The following EEA1 variants were observed in gnomAD, a reference collection of about 807,000 sequenced individuals.
EEA1 encodes early endosome antigen 1, 162kD.
EEA1 carries 111 observed loss-of-function variants against 209.2 expected under a neutral mutation model. The observed-to-expected ratio is 0.53, with a 90% CI of 0.45 to 0.62. The LOEUF (loss-of-function observed/expected upper bound fraction) is 0.62. Among genes scored for constraint, EEA1 ranks in the 20% least tolerant of loss-of-function variants. The probability of loss-of-function intolerance (pLI) is 0.00; values close to 1 mark genes in which losing one functional copy is unlikely to be tolerated. For synonymous variants in EEA1, 536 were observed against 540.6 expected, an observed-to-expected ratio of 0.99 and a Z score of 0.12; for missense variants, 1,343 against 1,530.8, an observed-to-expected ratio of 0.88 and a Z score of 2.05.
intron 1 of EEA1, among the ~76,000 whole-genome samples, chr12:92,911,635 T>C (rs547940549): frequency 1.3e-4 from 20 of 152,222 alleles, no homozygotes; most frequent in Non-Finnish European, 2.6e-4. Context: ...CTGCAGACTC[T>C]AAATGATAAT....
At chr12:92,839,568 T>C (rs1350880894) in intron 10 of EEA1, among the ~76,000 whole-genome samples, 1 of 152,224 alleles carries the variant, frequency 6.6e-6, no homozygotes, top group Admixed American at 6.5e-5. Context: ...AAGCTAGACA[T>C]TAAAGAGGTT....
chr12:92,874,305 G>C (rs1390017880), intron 2 of EEA1, among the ~76,000 whole-genome samples: 1 of 152,156 alleles, frequency 6.6e-6, no homozygotes, highest in Admixed American at 6.5e-5. Flanking sequence ...AGGCAATAGA[G>C]TGAGACCCTG....
At chr12:92,891,754 CA>C in intron 1 of EEA1, 33 bp from the exon 2 acceptor site, 1 of 1,418,896 alleles carries the variant, frequency 7.0e-7, no homozygotes, top group South Asian at 1.2e-5. Context: ...GAAAAAAAAA[CA>C]AAGCAGACAT....
chr12:92,805,432 C>T (rs1875155050), intron 18 of EEA1, among the ~76,000 whole-genome samples: 2 of 152,166 alleles, frequency 1.3e-5, no homozygotes, highest in Admixed American at 1.3e-4. Flanking sequence ...TTTCACCTTT[C>T]TGAAGAGGAC....
rs944292910 is a variant in EEA1 at position 92,827,799 on chromosome 12, T to C, written c.1404+113A>G. 4.3e-6 allele frequency: 5 copies of C among 1,161,990 alleles called. No homozygotes were observed. The Admixed American group carries it at 9.0e-5, about 21-fold the overall frequency. The allele number at this position is 1,161,990 out of a possible 1,614,324, so 72.0% of individuals were successfully genotyped here. ...GCAAGATGTTGCTATTGGAGAGCAATAAATTTGCACTTTAAAAAGTCCAAT... is the reference window on the plus strand; with the variant it reads ...GCAAGATGTTGCTATTGGAGAGCAACAAATTTGCACTTTAAAAAGTCCAAT... On this transcript the variant is annotated intron_variant, in intron 12 of 28. Coordinates refer to ENST00000322349, the MANE Select transcript of EEA1 (RefSeq NM_003566.4).
chr12:92,898,004 T>G (rs954694935), intron 1 of EEA1, among the ~76,000 whole-genome samples: 4 of 152,238 alleles, frequency 2.6e-5, no homozygotes, highest in African/African-American at 9.6e-5. Flanking sequence ...CTCGTTTTAT[T>G]GCGATACTTG....
At position 92,851,220 on chromosome 12, in the gene EEA1, A is replaced by G. The variant is rs763604700; in HGVS notation, c.689T>C (p.Leu230Pro). The change falls in exon 9 of 29, where the codon CTG (leucine) becomes CCG (proline). Residue 230 changes from leucine (L) to proline (P), a missense_variant. Physicochemically the swap from Leu to Pro is moderately conservative, Grantham distance 98. Transcript: ENST00000322349. ...ATCCATTAGTGTTTGAACTTGGACC[A>G]GTTCTTTCTTTAGCACGGCAACATC... Reference protein sequence around the residue: ...IEDVAVLKKELVQVQTLMDNM... With the variant: ...IEDVAVLKKEPVQVQTLMDNM... The G allele has an allele frequency of 1.2e-6, 2 of 1,613,918 alleles. No homozygotes were observed. The highest frequency in any genetic ancestry group is 1.7e-6 in the Non-Finnish European group (2 of 1,179,892).
At chr12:92,884,739 G>C (rs1879308402) in intron 2 of EEA1, 1 of 1,386,688 alleles carries the variant, frequency 7.2e-7, no homozygotes, top group Non-Finnish European at 1.0e-6. Flanking sequence ...AGGAGAGCCA[G>C]AGAAGTGACA....
At chr12:92,856,517 T>C (rs1053425128) in intron 5 of EEA1, among the ~76,000 whole-genome samples, 2 of 152,054 alleles carry the variant, frequency 1.3e-5, no homozygotes, top group African/African-American at 4.8e-5. Context: ...AACTTAACAT[T>C]GTTAATAGAA....
In EEA1 at chr12:92,876,759, T is replaced by A. The variant is rs569065531; in HGVS notation, c.118-11772A>T. 2.0e-5 allele frequency among the ~76,000 whole-genome samples: 3 copies of A among 148,714 alleles called. No individual in the cohort carries two copies. In the South Asian group the frequency reaches 6.3e-4, roughly 31 times the overall value. ...CACTATAAAAACAGAGAATTCGATA[T>A]GCCCGGATCAGAGTATCAAGAAGAC... On this transcript the variant is annotated intron_variant, in intron 2 of 28. Coordinates refer to ENST00000322349, the MANE Select transcript of EEA1 (RefSeq NM_003566.4).
Position 92,857,352 on chromosome 12 carries a change from G to T in EEA1, c.301-12C>A. 1 of 1,566,888 alleles carries T rather than the reference G, an allele frequency of 6.4e-7. No homozygotes were observed. The highest frequency in any genetic ancestry group is 1.2e-5 in the South Asian group (1 of 83,572). Reference sequence around the variant, plus strand: ...TACCATTTTTCTTCCTAATAAAAAAGATTTTTAATTAGTAAATTTAAAAAG... The same window carrying T: ...TACCATTTTTCTTCCTAATAAAAAATATTTTTAATTAGTAAATTTAAAAAG... On this transcript the variant is annotated splice_polypyrimidine_tract_variant and intron_variant, in intron 4 of 28. Transcript: ENST00000322349.
chr12:92,852,843 G>A (rs1382954282), intron 7 of EEA1, 69 bp downstream of exon 7: 2 of 1,009,962 alleles, frequency 2.0e-6, no homozygotes, highest in Non-Finnish European at 3.0e-6. Flanking sequence ...TATATTTATT[G>A]CTAGGGTATA....
intron 1 of EEA1, among the ~76,000 whole-genome samples, chr12:92,895,054 G>A (rs867319452): frequency 2.0e-5 from 3 of 151,338 alleles, no homozygotes; most frequent in Non-Finnish European, 4.4e-5. Context: ...TAAGAATTAC[G>A]CTAATGCTAC....
intron 10 of EEA1, among the ~76,000 whole-genome samples, chr12:92,837,442 G>T (rs1262590131): frequency 6.6e-6 from 1 of 152,082 alleles, no homozygotes; most frequent in Non-Finnish European, 1.5e-5. Context: ...TCCCACTTTG[G>T]CATGTGAGCG....
chr12:92,890,100 G>A (rs1430953677), intron 2 of EEA1, among the ~76,000 whole-genome samples: 3 of 152,186 alleles, frequency 2.0e-5, no homozygotes, highest in African/African-American at 7.2e-5. Context: ...ATAACACATG[G>A]TACCTGAAGA....
intron 9 of EEA1, among the ~76,000 whole-genome samples, chr12:92,847,914 G>GT (rs1334393156): frequency 6.6e-6 from 1 of 152,054 alleles, no homozygotes; most frequent in Non-Finnish European, 1.5e-5. Context: ...GCTCAAAAGA[G>GT]TAAGAGTTTG....
chr12:92,890,397 A>G (rs1231082644), intron 2 of EEA1, among the ~76,000 whole-genome samples: 1 of 152,190 alleles, frequency 6.6e-6, no homozygotes, highest in Non-Finnish European at 1.5e-5. Flanking sequence ...TATAGGTATG[A>G]TAAAATAAGA....
chr12:92,809,109 A>G lies in EEA1; in HGVS notation c.2247T>C (p.Ala749=). ...SLEVKASKEQ[A]LQDLQQQRQL... The stretch of plus-strand genomic sequence containing the variant: ...GTCTTTGCTGTTGTAGATCTTGCAA[A>G]GCCTGCTCCTTGCTTGCTTTAACTT... Residue 749 remains alanine (A), a synonymous_variant, in exon 18 of 29, where the codon GCT becomes GCC. Coordinates refer to ENST00000322349, the MANE Select transcript of EEA1 (RefSeq NM_003566.4). 1 of 1,603,368 alleles carries G rather than the reference A, an allele frequency of 6.2e-7. No homozygotes were observed. Among genetic ancestry groups the G allele is most frequent in the Non-Finnish European group, 8.5e-7 (1 of 1,174,488 alleles).
chr12:92,847,048 G>A (rs1360710742), intron 9 of EEA1, among the ~76,000 whole-genome samples: 1 of 152,074 alleles, frequency 6.6e-6, no homozygotes, highest in Non-Finnish European at 1.5e-5. Context: ...CACCTCCCGG[G>A]TTCAAGGGAT....
Sources: allele counts gnomAD v4.1 joint callset (sites outside exome capture counted in the v4.1 genomes callset), GRCh38; gene constraint gnomAD v4.1.1; transcripts MANE v1.5; gene names NCBI Gene and HGNC (gene_info 2026-07-23, HGNC 2026-07-21).